Variants in ZNF281 observed in about 807,000 individuals in gnomAD.
The protein encoded by ZNF281 is zinc finger protein 281, also known as GC-box-binding zinc finger protein 1.
ZNF281 carries 2 observed loss-of-function variants against 58.8 expected under a neutral mutation model. That is an observed-to-expected ratio of 0.03 (90% CI 0.01 to 0.11). ZNF281 has a LOEUF of 0.11. Ranked by LOEUF, ZNF281 falls within the 10% of genes least tolerant of loss-of-function variation. ZNF281 has a pLI of 1.00. For missense variants in ZNF281, 975 were observed against 1,090.7 expected (o/e 0.89, Z 1.49); for synonymous variants, 465 against 407.7 (o/e 1.14, Z -1.69).
At position 200,409,375 on chromosome 1, in the gene ZNF281, A is replaced by G. The variant is rs576936954; in HGVS notation, c.331T>C (p.Phe111Leu). Residue 111 changes from phenylalanine (F) to leucine (L), a missense_variant, in exon 2 of 2, where the codon TTC (phenylalanine) becomes CTC (leucine). By Grantham distance (22) the Phe-to-Leu change is conservative. Coordinates refer to ENST00000367353, the MANE Select transcript of ZNF281 (RefSeq NM_001281293.2). Reference sequence around the variant, plus strand: ...CCCCAGGAGGTCCTCTGCGAGGGGAAGGCCGCGGCTGACGCCGCCGGCTCC... The same window carrying G: ...CCCCAGGAGGTCCTCTGCGAGGGGAGGGCCGCGGCTGACGCCGCCGGCTCC... ...KKEPAASAAAFPSQRTSWGFL... is the reference protein window; with the variant it reads ...KKEPAASAAALPSQRTSWGFL... 1.3e-6 allele frequency: 2 copies of G among 1,528,236 alleles called. No homozygotes were observed. Among genetic ancestry groups the G allele is most frequent in the Admixed American group, 4.3e-5 (2 of 46,166 alleles). 94.7% of individuals were successfully genotyped at this position (1,528,236 alleles called of 1,614,324 possible). A position where few individuals can be genotyped will look rare whatever the true frequency, so the allele number is the denominator to read the frequency against.
At position 200,407,612 on chromosome 1, in the gene ZNF281, A is replaced by C; in HGVS notation, c.2094T>G (p.Pro698=). Residue 698 remains proline, a synonymous_variant, in exon 2 of 2, where the codon CCT becomes CCG. Coordinates refer to ENST00000367353, the MANE Select transcript of ZNF281 (RefSeq NM_001281293.2). ...HGFQFVSLSS[P]LHNHTLFPEK... ...CTGGAAACAAAGTGTGGTTGTGGAG[A>C]GGTGAAGACAAACTGACAAATTGGA... The C allele has an allele frequency of 6.2e-7, 1 of 1,614,222 alleles. No individual in the cohort carries two copies. The highest frequency in any genetic ancestry group is 8.5e-7 in the Non-Finnish European group (1 of 1,180,036).
chr1:200,410,001 C>T lies in ZNF281; in HGVS notation c.-74G>A, dbSNP rs1402950913. On this transcript the variant is annotated 5_prime_UTR_variant, in exon 1 of 2. Coordinates refer to ENST00000367353, the MANE Select transcript of ZNF281 (RefSeq NM_001281293.2). ...CTCCAGTTAATAAAAATAACGCCGT[C>T]CTCTCCACAATGGAATTAAAAGCCT... 5 of 565,052 alleles carry T rather than the reference C, an allele frequency of 8.8e-6. No homozygotes were observed. Among genetic ancestry groups the T allele is most frequent in the African/African-American group, 7.7e-5 (4 of 51,658 alleles). 35.0% of individuals were successfully genotyped at this position (565,052 alleles called of 1,614,324 possible).
chr1:200,409,436 G>A lies in ZNF281; in HGVS notation c.270C>T (p.Pro90=). 5 of 1,523,778 alleles carry A rather than the reference G, an allele frequency of 3.3e-6. No homozygotes were observed. Among genetic ancestry groups the A allele is most frequent in the Middle Eastern group, 1.8e-4 (1 of 5,658 alleles). The allele number at this position is 1,523,778 out of a possible 1,614,324, so 94.4% of individuals were successfully genotyped here. ...TCATGTCCGGGGCTGGCGGAGGGGG[G>A]GGCTCAGCGGCCGGGGCTGCGGAGG... ...SSTSAAPAAE[P]PPPPAPDMTF... The change falls in exon 2 of 2, where the codon CCC becomes CCT. Residue 90 remains proline, a synonymous_variant. Coordinates refer to ENST00000367353, the MANE Select transcript of ZNF281 (RefSeq NM_001281293.2).
chr1:200,409,978 C>T lies in ZNF281; in HGVS notation c.-51G>A. The T allele has an allele frequency of 3.4e-6, 2 of 591,868 alleles. No individual in the cohort carries two copies. Among genetic ancestry groups the T allele is most frequent in the African/African-American group, 1.9e-5 (1 of 52,444 alleles). The allele number at this position is 591,868 out of a possible 1,614,324, so 36.7% of individuals were successfully genotyped here. A position where few individuals can be genotyped will look rare whatever the true frequency, so the allele number is the denominator to read the frequency against. ...GCCGCCGCCGCAGCCGCCGTCGCCT[C>T]CAGTTAATAAAAATAACGCCGTCCT... On this transcript the variant is annotated 5_prime_UTR_variant, in exon 1 of 2. Transcript: ENST00000367353.
At position 200,409,974 on chromosome 1, in the gene ZNF281, G is replaced by C; in HGVS notation, c.-47C>G. The C allele has an allele frequency of 1.7e-6, 1 of 593,168 alleles. No homozygotes were observed. Among genetic ancestry groups the C allele is most frequent in the Non-Finnish European group, 3.0e-6 (1 of 337,672 alleles). 36.7% of individuals were successfully genotyped at this position (593,168 alleles called of 1,614,324 possible). ...TCCCGCCGCCGCCGCAGCCGCCGTCGCCTCCAGTTAATAAAAATAACGCCG... is the reference window on the plus strand; with the variant it reads ...TCCCGCCGCCGCCGCAGCCGCCGTCCCCTCCAGTTAATAAAAATAACGCCG... On this transcript the variant is annotated 5_prime_UTR_variant, in exon 1 of 2. Coordinates refer to ENST00000367353, the MANE Select transcript of ZNF281 (RefSeq NM_001281293.2).
Position 200,409,365 on chromosome 1 carries a change from T to C in ZNF281, c.341A>G (p.Gln114Arg). The change falls in exon 2 of 2, where the codon CAG becomes CGG. Residue 114 changes from glutamine (Q) to arginine (R), a missense_variant. Coordinates refer to ENST00000367353, the MANE Select transcript of ZNF281 (RefSeq NM_001281293.2). The part of the protein sequence containing the change: ...PAASAAAFPS[Q>R]RTSWGFLQSL... ...CTGCAAGAACCCCCAGGAGGTCCTC[T>C]GCGAGGGGAAGGCCGCGGCTGACGC... The C allele has an allele frequency of 6.5e-7, 1 of 1,538,104 alleles. No individual in the cohort carries two copies. Among genetic ancestry groups the C allele is most frequent in the Non-Finnish European group, 8.8e-7 (1 of 1,140,460 alleles).
In ZNF281 at chr1:200,406,106, A is replaced by T. The variant is rs1654443627; in HGVS notation, c.*912T>A. ...GTAACAGCGCAGACAGAACCGTTGTAGGCCATGTATAATAAATAATGCATG... is the reference window on the plus strand; with the variant it reads ...GTAACAGCGCAGACAGAACCGTTGTTGGCCATGTATAATAAATAATGCATG... On this transcript the variant is annotated 3_prime_UTR_variant, in exon 2 of 2. Coordinates refer to ENST00000367353, the MANE Select transcript of ZNF281 (RefSeq NM_001281293.2). 1 of 152,292 alleles carries T rather than the reference A, an allele frequency of 6.6e-6. No homozygotes were observed. The highest frequency in any genetic ancestry group is 6.5e-5 in the Admixed American group (1 of 15,282). 9.4% of individuals were successfully genotyped at this position (152,292 alleles called of 1,614,324 possible).
chr1:200,406,021 A>G lies in ZNF281; in HGVS notation c.*997T>C, dbSNP rs1654440819. 1 of 152,236 alleles carries G rather than the reference A, an allele frequency of 6.6e-6. No individual in the cohort carries two copies. The highest frequency in any genetic ancestry group is 2.4e-5 in the African/African-American group (1 of 41,472). The allele number at this position is 152,236 out of a possible 1,614,324, so 9.4% of individuals were successfully genotyped here. A position where few individuals can be genotyped will look rare whatever the true frequency, so the allele number is the denominator to read the frequency against. On this transcript the variant is annotated 3_prime_UTR_variant, in exon 2 of 2. Coordinates refer to ENST00000367353, the MANE Select transcript of ZNF281 (RefSeq NM_001281293.2). Reference sequence around the variant, plus strand: ...ATAGAAAGAGGGAAAAGGAAGGCCCAAGAACTCTTAAAGAGAGGCTGAGAA... The same window carrying G: ...ATAGAAAGAGGGAAAAGGAAGGCCCGAGAACTCTTAAAGAGAGGCTGAGAA...
rs749686993 is a variant in ZNF281, at chr1:200,408,037, C to A, written c.1669G>T (p.Val557Leu). ...ASSNSAFSINVGHMVSQQSVI... is the reference protein window; with the variant it reads ...ASSNSAFSINLGHMVSQQSVI... ...GACTGTTGGGAGACCATGTGTCCTA[C>A]GTTTATAGAAAAGGCACTGTTGCTG... The change falls in exon 2 of 2, where the codon GTA becomes TTA. Residue 557 changes from valine to leucine, a missense_variant. Physicochemically the swap from Val to Leu is conservative, Grantham distance 32. Coordinates refer to ENST00000367353, the MANE Select transcript of ZNF281 (RefSeq NM_001281293.2). 3.7e-6 allele frequency: 6 copies of A among 1,614,054 alleles called. No homozygotes were observed. Among genetic ancestry groups the A allele is most frequent in the Non-Finnish European group, 3.4e-6 (4 of 1,180,030 alleles).
Position 200,406,859 on chromosome 1 carries a change from C to T in ZNF281, c.*159G>A, listed in dbSNP as rs1055977130. 7 of 633,152 alleles carry T rather than the reference C, an allele frequency of 1.1e-5. No homozygotes were observed. The highest frequency in any genetic ancestry group is 9.3e-5 in the African/African-American group (5 of 53,958). The allele number at this position is 633,152 out of a possible 1,614,324, so 39.2% of individuals were successfully genotyped here. A position where few individuals can be genotyped will look rare whatever the true frequency, so the allele number is the denominator to read the frequency against. ...ATTAAAAATCATAATACAAACAGAG[C>T]TAAAATCACGCTAACAAAATAAACT... On this transcript the variant is annotated 3_prime_UTR_variant, in exon 2 of 2. Transcript: ENST00000367353.
Position 200,408,118 on chromosome 1 carries a change from T to A in ZNF281, c.1588A>T (p.Asn530Tyr), listed in dbSNP as rs773982220. 4.3e-6 allele frequency: 7 copies of A among 1,614,184 alleles called. No homozygotes were observed. Among genetic ancestry groups the A allele is most frequent in the Non-Finnish European group, 4.2e-6 (5 of 1,180,050 alleles). ...GAAAACTGCATGGCATCATCATAAT[T>A]ACTACTTATCTGACCTTGTTTGCCA... ...TSGKQGQISS[N>Y]YDDAMQFSKK... Residue 530 changes from asparagine (N) to tyrosine (Y), a missense_variant, in exon 2 of 2, where the codon AAT becomes TAT. Around this residue, in one of 3 missense-constraint regions of ZNF281, gnomAD observed 579 missense variants for 608.9 expected, o/e 0.95. Transcript: ENST00000367353.
In ZNF281 at chr1:200,409,950, C is replaced by CCCGCCGCCG. The variant is rs540472021; in HGVS notation, c.-32_-24dup. 2 of 443,168 alleles carry CCCGCCGCCG rather than the reference C, an allele frequency of 4.5e-6. No individual in the cohort carries two copies. The highest frequency in any genetic ancestry group is 7.9e-6 in the Non-Finnish European group (2 of 253,754). 27.5% of individuals were successfully genotyped at this position (443,168 alleles called of 1,614,324 possible). On this transcript the variant is annotated 5_prime_UTR_variant, in exon 1 of 2. Transcript: ENST00000367353. The stretch of plus-strand genomic sequence containing the variant: ...GGACCCACCGGCAATACTTACGGGT[C>CCCGCCGCCG]CCGCCGCCGCCGCAGCCGCCGTCGC...
Position 200,406,874 on chromosome 1 carries a change from C to T in ZNF281, c.*144G>A, listed in dbSNP as rs1654465250. The T allele has an allele frequency of 5.4e-6, 4 of 734,782 alleles. No individual in the cohort carries two copies. The South Asian group carries it at 1.0e-4, about 18-fold the overall frequency. The allele number at this position is 734,782 out of a possible 1,614,324, so 45.5% of individuals were successfully genotyped here. ...ACAAACAGAGCTAAAATCACGCTAA[C>T]AAAATAAACTAAATATGAAAAGTTG... is the stretch of plus-strand genomic sequence containing the variant. On this transcript the variant is annotated 3_prime_UTR_variant, in exon 2 of 2. Coordinates refer to ENST00000367353, the MANE Select transcript of ZNF281 (RefSeq NM_001281293.2).
In ZNF281 at chr1:200,409,588, C is replaced by T. The variant is rs976619730; in HGVS notation, c.118G>A (p.Ala40Thr). 2 of 1,549,364 alleles carry T rather than the reference C, an allele frequency of 1.3e-6. No individual in the cohort carries two copies. The highest frequency in any genetic ancestry group is 2.0e-5 in the Admixed American group (1 of 50,960). ...TGGGGAAAGGTGGGTTCCATCTCTG[C>T]CCTCCTGCCGCTGCTGCCGCCGCCG... ...GGGGGSSGRR[A>T]EMEPTFPQGM... The change falls in exon 2 of 2, where the codon GCA becomes ACA. Residue 40 changes from alanine to threonine, a missense_variant. This residue lies in a region of ZNF281 where 370 missense variants were observed against 360.9 expected (regional missense o/e 1.03). Transcript: ENST00000367353.
chr1:200,409,489 G>T lies in ZNF281; in HGVS notation c.217C>A (p.Pro73Thr). 1 of 1,548,400 alleles carries T rather than the reference G, an allele frequency of 6.5e-7. No homozygotes were observed. Among genetic ancestry groups the T allele is most frequent in the Non-Finnish European group, 8.7e-7 (1 of 1,145,854 alleles). ...FTRPAGSAAP[P>T]PQCVLSSSTS... ...GAGGAGGATAACACGCATTGCGGGGGAGGGGCGGCCGACCCCGCCGGCCGG... is the reference window on the plus strand; with the variant it reads ...GAGGAGGATAACACGCATTGCGGGGTAGGGGCGGCCGACCCCGCCGGCCGG... The change falls in exon 2 of 2, where the codon CCC (proline) becomes ACC (threonine). Residue 73 changes from proline (P) to threonine (T), a missense_variant. By Grantham distance (38) the Pro-to-Thr change is conservative (BLOSUM62 -1). This residue lies in a region of ZNF281 where 370 missense variants were observed against 360.9 expected (regional missense o/e 1.03). Coordinates refer to ENST00000367353, the MANE Select transcript of ZNF281 (RefSeq NM_001281293.2).
Position 200,408,661 on chromosome 1 carries a change from T to C in ZNF281, c.1045A>G (p.Thr349Ala). ...HSGEKPYKCD[T>A]CQQYFSRTDR... The stretch of plus-strand genomic sequence containing the variant: ...GTCCTTGAAAAATACTGTTGGCAAG[T>C]GTCACACTTATATGGCTTTTCTCCA... The change falls in exon 2 of 2, where the codon ACT becomes GCT. Residue 349 changes from threonine to alanine, a missense_variant. This residue lies in a region of ZNF281 where 26 missense variants were observed against 121.0 expected (regional missense o/e 0.21). Coordinates refer to ENST00000367353, the MANE Select transcript of ZNF281 (RefSeq NM_001281293.2). 5.0e-6 allele frequency: 8 copies of C among 1,614,242 alleles called. No individual in the cohort carries two copies. The highest frequency in any genetic ancestry group is 6.8e-6 in the Non-Finnish European group (8 of 1,180,052).
At position 200,409,958 on chromosome 1, in the gene ZNF281, C is replaced by T. The variant is rs944911060; in HGVS notation, c.-31G>A. 30 of 597,438 alleles carry T rather than the reference C, an allele frequency of 5.0e-5. No homozygotes were observed. The East Asian group carries it at 8.5e-4, about 17-fold the overall frequency. 37.0% of individuals were successfully genotyped at this position (597,438 alleles called of 1,614,324 possible). On this transcript the variant is annotated 5_prime_UTR_variant, in exon 1 of 2. Transcript: ENST00000367353. Reference sequence around the variant, plus strand: ...CGGCAATACTTACGGGTCCCGCCGCCGCCGCAGCCGCCGTCGCCTCCAGTT... The same window carrying T: ...CGGCAATACTTACGGGTCCCGCCGCTGCCGCAGCCGCCGTCGCCTCCAGTT...
chr1:200,408,202 A>T lies in ZNF281; in HGVS notation c.1504T>A (p.Ser502Thr). Reference sequence around the variant, plus strand: ...CTATTATTTGATACTATGCCAAGTGAGCCACTTGGTTTTCCAGACAAGGAT... The same window carrying T: ...CTATTATTTGATACTATGCCAAGTGTGCCACTTGGTTTTCCAGACAAGGAT... ...QKSLSGKPSG[S>T]LGIVSNNSVE... Residue 502 changes from serine to threonine, a missense_variant, in exon 2 of 2, where the codon TCA (serine) becomes ACA (threonine). By Grantham distance (58) the Ser-to-Thr change is moderately conservative. Coordinates refer to ENST00000367353, the MANE Select transcript of ZNF281 (RefSeq NM_001281293.2). 6.2e-7 allele frequency: 1 copy of T among 1,613,458 alleles called. No homozygotes were observed. The highest frequency in any genetic ancestry group is 8.5e-7 in the Non-Finnish European group (1 of 1,180,016).
Position 200,409,069 on chromosome 1 carries a change from T to C in ZNF281, c.637A>G (p.Lys213Glu). The C allele has an allele frequency of 1.9e-6, 3 of 1,614,210 alleles. No individual in the cohort carries two copies. Among genetic ancestry groups the C allele is most frequent in the Non-Finnish European group, 1.7e-6 (2 of 1,180,036 alleles). Residue 213 changes from lysine (K) to glutamate (E), a missense_variant, in exon 2 of 2, where the codon AAG becomes GAG. Physicochemically the swap from Lys to Glu is moderately conservative, Grantham distance 56. Coordinates refer to ENST00000367353, the MANE Select transcript of ZNF281 (RefSeq NM_001281293.2). ...GCCTTTTTGACATTAGTGTCCTGCT[T>C]TGGCTCCTCAGTGCCATGGTGGTCA... The part of the protein sequence containing the change: ...TDDHHGTEEP[K>E]QDTNVKKAKR...
Sources: allele counts gnomAD v4.1 joint callset, GRCh38; gene constraint gnomAD v4.1.1; regional missense constraint gnomAD v4.1.1; transcripts MANE v1.5; gene names NCBI Gene and HGNC (gene_info 2026-07-23, HGNC 2026-07-21).